Variants in EEF1AKMT2 observed in about 807,000 individuals in gnomAD.
EEF1AKMT2 encodes the protein eukaryotic translation elongation factor 1 alpha lysine methyltransferase 2.
In EEF1AKMT2, 32 loss-of-function variants were observed where a neutral mutation model predicts 35.8. That is an observed-to-expected ratio of 0.89 (90% CI 0.67 to 1.20). The LOEUF (loss-of-function observed/expected upper bound fraction) is 1.20, where lower values mean the gene tolerates loss of function less well. Ranked by LOEUF, EEF1AKMT2 falls within the 50% of genes most tolerant of loss-of-function variation. The pLI is 0.00. For missense variants in EEF1AKMT2, 330 were observed against 347.5 expected (o/e 0.95, Z 0.40); for synonymous variants, 121 against 133.7 (o/e 0.91, Z 0.65).
rs1345909912 is a variant in EEF1AKMT2, at chr10:124,787,629, C to T, written c.291+1414G>A. On this transcript the variant is annotated intron_variant, in intron 3 of 6. Coordinates refer to ENST00000368836, the MANE Select transcript of EEF1AKMT2 (RefSeq NM_212554.4). The stretch of plus-strand genomic sequence containing the variant: ...GCAACATAGTGAAACCTTGTCTCTA[C>T]AAAAAAAATCAAAATATGAGGCGAC... Among the ~76,000 whole-genome samples the T allele has an allele frequency of 2.0e-5, 3 of 148,932 alleles. No homozygotes were observed. In the East Asian group the frequency reaches 5.9e-4, roughly 29 times the overall value.
chr10:124,783,856 C>G (rs1950563340), intron 3 of EEF1AKMT2, among the ~76,000 whole-genome samples: 1 of 151,874 alleles, frequency 6.6e-6, no homozygotes, highest in Non-Finnish European at 1.5e-5. Flanking sequence ...CAGAGTTTCA[C>G]TCTAGTTGCC....
chr10:124,782,862 C>A, intron 3 of EEF1AKMT2: 1 of 271,772 alleles, frequency 3.7e-6, no homozygotes, highest in South Asian at 3.3e-5. Context: ...AAATGTAGAC[C>A]TAAATCCAAA....
At chr10:124,783,070 T>C (rs1232999120) in intron 3 of EEF1AKMT2, 1 of 283,058 alleles carries the variant, frequency 3.5e-6, no homozygotes, top group Non-Finnish European at 7.1e-6. Context: ...GAACATCATG[T>C]CCACTAGGAT....
intron 3 of EEF1AKMT2, among the ~76,000 whole-genome samples, chr10:124,784,713 C>G (rs2134141179): frequency 2.0e-5 from 3 of 152,046 alleles, no homozygotes; most frequent in Admixed American, 2.0e-4. Context: ...GGTGGATCAC[C>G]TGAGGTCAGG....
intron 3 of EEF1AKMT2, among the ~76,000 whole-genome samples, chr10:124,787,488 A>G (rs1403172325): frequency 6.6e-6 from 1 of 150,910 alleles, no homozygotes; most frequent in Non-Finnish European, 1.5e-5. Context: ...AGCACACCCT[A>G]AAGAGTTTCA....
downstream of EEF1AKMT2, among the ~76,000 whole-genome samples, chr10:124,757,416 A>T (rs1364015870): frequency 6.6e-6 from 1 of 152,200 alleles, no homozygotes; most frequent in Non-Finnish European, 1.5e-5. Flanking sequence ...ACACACACAC[A>T]ATTCGTAAAA....
chr10:124,786,717 G>T (rs1470775742), intron 3 of EEF1AKMT2, among the ~76,000 whole-genome samples: 1 of 151,602 alleles, frequency 6.6e-6, no homozygotes, highest in Non-Finnish European at 1.5e-5. Flanking sequence ...GGCTGAGGCA[G>T]GAAAATCGCT....
At position 124,769,248 on chromosome 10, in the gene EEF1AKMT2, A is replaced by ATATATATATATATATATATATATGTG. The variant is rs60863408; in HGVS notation, c.400-3641_400-3640insCACATATATATATATATATATATATA. Among the ~76,000 whole-genome samples the ATATATATATATATATATATATATGTG allele has an allele frequency of 1.6e-4, 10 of 63,814 alleles. No individual in the cohort carries two copies. The East Asian group carries it at 1.6e-3, about 10-fold the overall frequency. The allele number at this position is 63,814 out of a possible 152,430, so 41.9% of individuals were successfully genotyped here. A position where few individuals can be genotyped will look rare whatever the true frequency, so the allele number is the denominator to read the frequency against. ...AAAAAAAAAAAATATATATATATAT[A>ATATATATATATATATATATATATGTG]TGTGTGTATAAATAAAACGAACAGA... is the stretch of plus-strand genomic sequence containing the variant. On this transcript the variant is annotated intron_variant, in intron 4 of 6. Coordinates refer to ENST00000368836, the MANE Select transcript of EEF1AKMT2 (RefSeq NM_212554.4).
chr10:124,769,218 C>CACAAAAAAAAAAAAAAA (rs754443902), intron 4 of EEF1AKMT2, among the ~76,000 whole-genome samples: 1,602 of 31,220 alleles, frequency 0.051, 542 homozygotes, highest in African/African-American at 0.11. Flanking sequence ...ACACTGTCTC[C>CACAAAAAAAAAAAAAAA]AAAAAAAAAA....
In EEF1AKMT2 at chr10:124,760,435, C is replaced by T. The variant is rs377063279; in HGVS notation, c.*68G>A. 2.5e-6 allele frequency: 4 copies of T among 1,613,738 alleles called. No homozygotes were observed. The African/African-American group carries it at 4.0e-5, about 16-fold the overall frequency. ...CACATTTTTTGGAAAACCAATGCTG[C>T]TACACTGTTTCCAGATCTGCCTCCA... is the stretch of plus-strand genomic sequence containing the variant. On this transcript the variant is annotated 3_prime_UTR_variant, in exon 7 of 7. Coordinates refer to ENST00000368836, the MANE Select transcript of EEF1AKMT2 (RefSeq NM_212554.4).
rs1415904114 is a variant in EEF1AKMT2, at chr10:124,759,914, TATTA to T, written c.*585_*588del. ...TAAAGGTAAGAGGCCTTTTCACAGG[TATTA>T]ATTAAGTTTAAAAATAACCGCCATC... On this transcript the variant is annotated 3_prime_UTR_variant, in exon 7 of 7. Coordinates refer to ENST00000368836, the MANE Select transcript of EEF1AKMT2 (RefSeq NM_212554.4). 8 of 153,036 alleles carry T rather than the reference TATTA, an allele frequency of 5.2e-5. No individual in the cohort carries two copies. Among genetic ancestry groups the T allele is most frequent in the South Asian group, 2.1e-4 (1 of 4,842 alleles). 9.5% of individuals were successfully genotyped at this position (153,036 alleles called of 1,614,324 possible).
Position 124,790,333 on chromosome 10 carries a change from T to A in EEF1AKMT2, c.116A>T (p.Asp39Val), listed in dbSNP as rs1028912072. 1.9e-6 allele frequency: 3 copies of A among 1,608,680 alleles called. No individual in the cohort carries two copies. In the African/African-American group the frequency reaches 4.0e-5, roughly 22 times the overall value. ...PSALGTREHW[D>V]AVYERELQTF... ...TTGCAGTTCTCTCTCATAGACAGCATCCCAACTATGTAAACAATGAAATGC... is the reference window on the plus strand; with the variant it reads ...TTGCAGTTCTCTCTCATAGACAGCAACCCAACTATGTAAACAATGAAATGC... Residue 39 changes from aspartate to valine, a missense_variant, in exon 2 of 7, where the codon GAT becomes GTT. Physicochemically the swap from Asp to Val is radical, Grantham distance 152 (BLOSUM62 -3). Transcript: ENST00000368836.
chr10:124,777,633 C>A (rs2066175866), intron 3 of EEF1AKMT2, among the ~76,000 whole-genome samples: 1 of 152,060 alleles, frequency 6.6e-6, no homozygotes, highest in South Asian at 2.1e-4. Flanking sequence ...TCCTCCCACC[C>A]CAGCCTCTCA....
Position 124,778,213 on chromosome 10 carries a change from CAT to C in EEF1AKMT2, c.292-3433_292-3432del, listed in dbSNP as rs1554918835. Among the ~76,000 whole-genome samples, 5 of 151,582 alleles carry C rather than the reference CAT, an allele frequency of 3.3e-5. No homozygotes were observed. The South Asian group carries it at 6.3e-4, about 19-fold the overall frequency. ...GTCTATACATACACACACACACACA[CAT>C]ACATACACACAAACATATATGTATA... On this transcript the variant is annotated intron_variant, in intron 3 of 6. Coordinates refer to ENST00000368836, the MANE Select transcript of EEF1AKMT2 (RefSeq NM_212554.4).
intron 3 of EEF1AKMT2, 41 bp downstream of exon 3, chr10:124,789,002 T>G: frequency 6.7e-7 from 1 of 1,502,418 alleles, no homozygotes; most frequent in African/African-American, 1.4e-5. Flanking sequence ...AATTTTCCTT[T>G]TAAAATTTGT....
chr10:124,777,903 T>A (rs181293925), intron 3 of EEF1AKMT2, among the ~76,000 whole-genome samples: 1 of 152,268 alleles, frequency 6.6e-6, no homozygotes, highest in Non-Finnish European at 1.5e-5. Context: ...ATTGTATATG[T>A]GGTACATTTC....
chr10:124,760,564 T>C lies in EEF1AKMT2; in HGVS notation c.*-61A>G, dbSNP rs1274756103. The C allele has an allele frequency of 4.0e-6, 5 of 1,240,180 alleles. No individual in the cohort carries two copies. The African/African-American group carries it at 5.9e-5, about 15-fold the overall frequency. The allele number at this position is 1,240,180 out of a possible 1,614,324, so 76.8% of individuals were successfully genotyped here. A position where few individuals can be genotyped will look rare whatever the true frequency, so the allele number is the denominator to read the frequency against. ...TGAGTCTCATACTTACATGTATTTA[T>C]ATGCATGCATTAACACTGTACCATT... On this transcript the variant is annotated intron_variant, in intron 6 of 6. Coordinates refer to ENST00000368836, the MANE Select transcript of EEF1AKMT2 (RefSeq NM_212554.4).
chr10:124,786,286 C>T (rs1950583334), intron 3 of EEF1AKMT2, among the ~76,000 whole-genome samples: 1 of 151,716 alleles, frequency 6.6e-6, no homozygotes, highest in African/African-American at 2.4e-5. Context: ...ACGGGCAGAT[C>T]ACGAGGTCAG....
At chr10:124,772,709 T>G (rs1307710491) in intron 4 of EEF1AKMT2, among the ~76,000 whole-genome samples, 1 of 152,198 alleles carries the variant, frequency 6.6e-6, no homozygotes, top group East Asian at 1.9e-4. Context: ...ATTACAGGCG[T>G]GAGCCACTGT....
Sources: gnomAD v4.1 joint callset for allele counts (sites outside exome capture counted in the v4.1 genomes callset) on GRCh38, gnomAD v4.1.1 for gene constraint, MANE v1.5 for transcripts, NCBI Gene and HGNC (gene_info 2026-07-23, HGNC 2026-07-21) for gene names.